Variants in THUMPD2 observed in about 807,000 individuals in gnomAD.
THUMPD2 encodes U6 snRNA (guanine-N(2))-methyltransferase THUMPD2.
THUMPD2 carries 56 observed loss-of-function variants against 49.4 expected under a neutral mutation model. The ratio of observed to expected loss-of-function variants is 1.13; its 90% CI spans 0.91 to 1.41. THUMPD2 has a LOEUF of 1.41. Among genes scored for constraint, THUMPD2 ranks in the 40% most tolerant of loss-of-function variants. The pLI is 0.00. For missense variants in THUMPD2, 709 were observed against 594.5 expected (o/e 1.19, Z -2.00); for synonymous variants, 237 against 205.2 (o/e 1.15, Z -1.32).
rs1673104660 is a variant in THUMPD2 at position 39,736,565 on chromosome 2, TAAAGCAGA to T, written c.*162_*169del. The T allele has an allele frequency of 1.9e-6, 1 of 514,534 alleles. No individual in the cohort carries two copies. The highest frequency in any genetic ancestry group is 3.4e-6 in the Non-Finnish European group (1 of 297,648). The allele number at this position is 514,534 out of a possible 1,614,324, so 31.9% of individuals were successfully genotyped here. On this transcript the variant is annotated 3_prime_UTR_variant, in exon 10 of 10. Coordinates refer to ENST00000505747, the MANE Select transcript of THUMPD2 (RefSeq NM_025264.5). ...CAAAAACATTAAGTACTTTAGAATA[TAAAGCAGA>T]AACTCTTACCAAGCATGTGTACCCA...
chr2:39,749,388 T>A (rs1675078526), intron 8 of THUMPD2, among the ~76,000 whole-genome samples: 1 of 152,256 alleles, frequency 6.6e-6, no homozygotes, highest in African/African-American at 2.4e-5. Flanking sequence ...CTTCTGCTAA[T>A]GAAGCCAGCA....
At chr2:39,756,887 C>G (rs1166399200) in intron 6 of THUMPD2, among the ~76,000 whole-genome samples, 1 of 148,384 alleles carries the variant, frequency 6.7e-6, no homozygotes, top group Non-Finnish European at 1.5e-5. Flanking sequence ...TTCCATGACA[C>G]TTAGTAAATG....
Position 39,755,370 on chromosome 2 carries a change from A to G in THUMPD2, c.1003T>C (p.Leu335=), listed in dbSNP as rs1311796347. ...TTCAGATTGTCCCAAGTACCTAGTA[A>G]CTGTGAGTCGCTGACATCAGCACCT... The part of the protein sequence containing the change: ...YVGADVSDSQ[L]LGTWDNLKAA... The change falls in exon 8 of 10, where the codon TTA becomes CTA. Residue 335 remains leucine, a synonymous_variant. Transcript: ENST00000505747. 1 of 1,559,358 alleles carries G rather than the reference A, an allele frequency of 6.4e-7. No homozygotes were observed. Among genetic ancestry groups the G allele is most frequent in the Non-Finnish European group, 8.6e-7 (1 of 1,162,094 alleles).
At chr2:39,747,661 CTTTT>C (rs1054653779) in intron 8 of THUMPD2, among the ~76,000 whole-genome samples, 1 of 151,792 alleles carries the variant, frequency 6.6e-6, no homozygotes, top group African/African-American at 2.4e-5. Context: ...TAATAAAAGA[CTTTT>C]TTTTGAGAAA....
At chr2:39,773,954 A>G (rs993666493) in intron 1 of THUMPD2, among the ~76,000 whole-genome samples, 3 of 152,230 alleles carry the variant, frequency 2.0e-5, no homozygotes, top group African/African-American at 7.2e-5. Flanking sequence ...TATGATATTG[A>G]TAAGAAAAAA....
chr2:39,739,657 C>G (rs1417699154), intron 9 of THUMPD2, among the ~76,000 whole-genome samples: 1 of 152,154 alleles, frequency 6.6e-6, no homozygotes, highest in Non-Finnish European at 1.5e-5. Flanking sequence ...GCAAAGACTT[C>G]CAAACGTGTC....
chr2:39,772,187 G>A (rs1242459518), intron 1 of THUMPD2, among the ~76,000 whole-genome samples: 1 of 152,236 alleles, frequency 6.6e-6, no homozygotes, highest in Non-Finnish European at 1.5e-5. Flanking sequence ...ACAAGGGGCA[G>A]ATGCGGAAGT....
intron 6 of THUMPD2, among the ~76,000 whole-genome samples, chr2:39,756,539 A>C (rs1236459253): frequency 6.6e-6 from 1 of 151,790 alleles, no homozygotes; most frequent in Non-Finnish European, 1.5e-5. Flanking sequence ...CAAGCTGTGA[A>C]GGAGGGATGA....
Position 39,755,803 on chromosome 2 carries a change from A to G in THUMPD2, c.963+86T>C, listed in dbSNP as rs1572806714. The G allele has an allele frequency of 2.7e-6, 3 of 1,103,642 alleles. No homozygotes were observed. In the East Asian group the frequency reaches 7.2e-5, roughly 27 times the overall value. The allele number at this position is 1,103,642 out of a possible 1,614,324, so 68.4% of individuals were successfully genotyped here. A position where few individuals can be genotyped will look rare whatever the true frequency, so the allele number is the denominator to read the frequency against. On this transcript the variant is annotated intron_variant, in intron 7 of 9. Coordinates refer to ENST00000505747, the MANE Select transcript of THUMPD2 (RefSeq NM_025264.5). ...AATTAAAAATAATCCCCAAATAGAC[A>G]TTCTACTTGTAAATAATTGGTGATT...
At chr2:39,749,821 C>T (rs534585285) in intron 8 of THUMPD2, among the ~76,000 whole-genome samples, 1 of 152,162 alleles carries the variant, frequency 6.6e-6, no homozygotes, top group East Asian at 1.9e-4. Context: ...CATCGTTTAG[C>T]TCCCACTTAT....
At chr2:39,749,366 A>G (rs1471724880) in intron 8 of THUMPD2, among the ~76,000 whole-genome samples, 3 of 152,234 alleles carry the variant, frequency 2.0e-5, no homozygotes, top group Non-Finnish European at 4.4e-5. Flanking sequence ...ACATTTAACT[A>G]TCTGCAAAGG....
At chr2:39,739,223 G>A in intron 9 of THUMPD2, among the ~76,000 whole-genome samples, 1 of 151,970 alleles carries the variant, frequency 6.6e-6, no homozygotes, top group South Asian at 2.1e-4. Flanking sequence ...CCTTACTCTG[G>A]CATCCAAGGC....
chr2:39,741,990 A>G (rs1367813599), intron 9 of THUMPD2, among the ~76,000 whole-genome samples: 1 of 152,202 alleles, frequency 6.6e-6, no homozygotes, highest in Non-Finnish European at 1.5e-5. Flanking sequence ...GGTGGCCAGC[A>G]CTGTTGTAAG....
chr2:39,758,971 G>A (rs1403795450), intron 6 of THUMPD2, among the ~76,000 whole-genome samples: 2 of 152,076 alleles, frequency 1.3e-5, no homozygotes, highest in African/African-American at 4.8e-5. Flanking sequence ...AAAAAGTCAG[G>A]ATTTTTTTAA....
chr2:39,748,653 A>ACTCCAG (rs1205270739), intron 8 of THUMPD2, among the ~76,000 whole-genome samples: 1 of 151,720 alleles, frequency 6.6e-6, no homozygotes, highest in Non-Finnish European at 1.5e-5. Context: ...GCGCCACTGC[A>ACTCCAG]CTCCAGCCTG....
At position 39,761,394 on chromosome 2, in the gene THUMPD2, G is replaced by A; in HGVS notation, c.828C>T (p.Tyr276=). Residue 276 remains tyrosine (Y), a synonymous_variant, in exon 6 of 10, where the codon TAC becomes TAT. Transcript: ENST00000505747. ...VFRVSLASRA[Y]IKTAGLRSTI... ...TAGATCGCAGTCCAGCTGTCTTGAT[G>A]TAAGCTCTGCTGGCTAGGGAAACCC... is the stretch of plus-strand genomic sequence containing the variant. 1.2e-6 allele frequency: 2 copies of A among 1,613,750 alleles called. No homozygotes were observed. Among genetic ancestry groups the A allele is most frequent in the African/African-American group, 1.3e-5 (1 of 75,008 alleles).
intron 4 of THUMPD2, among the ~76,000 whole-genome samples, chr2:39,767,603 C>CAAAAAAAAAAAAAAAA (rs57906396): frequency 3.7e-4 from 25 of 67,820 alleles, no homozygotes; most frequent in African/African-American, 1.9e-3. Context: ...GACTCCGTCT[C>CAAAAAAAAAAAAAAAA]AAAAAAAAAA....
Position 39,766,080 on chromosome 2 carries a change from A to G in THUMPD2, c.780T>C (p.Ser260=). The change falls in exon 5 of 10, where the codon TCT becomes TCC. Residue 260 remains serine (S), a synonymous_variant. Transcript: ENST00000505747. ...ACCTGAACACAGGAATCCCCACCACAGAGTAAATGTCATTTAGATGTATAA... is the reference window on the plus strand; with the variant it reads ...ACCTGAACACAGGAATCCCCACCACGGAGTAAATGTCATTTAGATGTATAA... ...EIFIHLNDIY[S]VVGIPVFRVS... is the part of the protein sequence containing the mutation. 6.3e-7 allele frequency: 1 copy of G among 1,587,330 alleles called. No individual in the cohort carries two copies. Among genetic ancestry groups the G allele is most frequent in the Non-Finnish European group, 8.5e-7 (1 of 1,170,766 alleles).
intron 4 of THUMPD2, among the ~76,000 whole-genome samples, chr2:39,768,128 A>G (rs970870268): frequency 6.6e-6 from 1 of 152,152 alleles, no homozygotes; most frequent in African/African-American, 2.4e-5. Flanking sequence ...TGTATTATAG[A>G]GACTATAGAG....
Sources: gnomAD v4.1 joint callset for allele counts (sites outside exome capture counted in the v4.1 genomes callset) on GRCh38, gnomAD v4.1.1 for gene constraint, MANE v1.5 for transcripts, NCBI Gene and HGNC (gene_info 2026-07-23, HGNC 2026-07-21) for gene names.